Variants in PRKN observed in about 807,000 individuals in gnomAD.
PRKN encodes the protein E3 ubiquitin-protein ligase parkin.
In PRKN, 56 loss-of-function variants were observed where a neutral mutation model predicts 59.5. The ratio of observed to expected loss-of-function variants is 0.94; its 90% confidence interval spans 0.76 to 1.18. The LOEUF is 1.18. PRKN is among the 50% of genes most tolerant of loss of function. The pLI, the probability that PRKN is intolerant of heterozygous loss-of-function variation, is 0.00. For synonymous variants in PRKN, 250 were observed against 222.1 expected (o/e 1.13, Z -1.12); for missense variants, 657 against 596.4 (o/e 1.10, Z -1.06).
At chr6:161,799,455 C>T (rs1367966008) in intron 6 of PRKN, among the ~76,000 whole-genome samples, 5 of 152,216 alleles carry the variant, frequency 3.3e-5, no homozygotes, top group African/African-American at 1.2e-4. Flanking sequence ...CTCCCCCCAT[C>T]TGCCAGAGTT....
chr6:162,380,494 C>T (rs1431593988), intron 2 of PRKN, among the ~76,000 whole-genome samples: 3 of 26,002 alleles, frequency 1.2e-4, no homozygotes, highest in African/African-American at 6.2e-4. Flanking sequence ...TATATATACA[C>T]ACATATATAT....
chr6:162,335,752 C>G (rs1783815871), intron 2 of PRKN, among the ~76,000 whole-genome samples: 1 of 152,058 alleles, frequency 6.6e-6, no homozygotes. Context: ...TCTCCTCACC[C>G]TTCTACACAG....
At chr6:162,204,520 T>C (rs1379706055) in intron 3 of PRKN, among the ~76,000 whole-genome samples, 1 of 152,194 alleles carries the variant, frequency 6.6e-6, no homozygotes, top group Non-Finnish European at 1.5e-5. Context: ...GCTTGATTTA[T>C]AGAAAGTGAA....
intron 7 of PRKN, among the ~76,000 whole-genome samples, chr6:161,695,633 G>A (rs76290633): frequency 0.055 from 8,359 of 152,274 alleles, 394 homozygotes; most frequent in African/African-American, 0.12. Context: ...AAAGACAACT[G>A]AGAAGGCAAG....
intron 9 of PRKN, among the ~76,000 whole-genome samples, chr6:161,465,139 C>G (rs1790401496): frequency 6.6e-6 from 1 of 152,234 alleles, no homozygotes; most frequent in Non-Finnish European, 1.5e-5. Context: ...AGTCTTCTTT[C>G]ATACCGTCGA....
intron 6 of PRKN, among the ~76,000 whole-genome samples, chr6:161,969,854 G>A (rs888356826): frequency 6.6e-6 from 1 of 150,818 alleles, no homozygotes; most frequent in African/African-American, 2.4e-5. Flanking sequence ...TTTCCTTTTT[G>A]CCCAATAAAT....
chr6:161,736,448 G>A (rs886268684), intron 7 of PRKN, among the ~76,000 whole-genome samples: 1 of 152,186 alleles, frequency 6.6e-6, no homozygotes, highest in Non-Finnish European at 1.5e-5. Context: ...GTGGCTAATC[G>A]GTTGTGGAAG....
intron 7 of PRKN, among the ~76,000 whole-genome samples, chr6:161,752,039 T>C (rs969196113): frequency 2.6e-5 from 4 of 152,214 alleles, no homozygotes; most frequent in African/African-American, 9.6e-5. Flanking sequence ...CGGAACATTA[T>C]GGAGAATATT....
In PRKN at chr6:161,360,117, G is replaced by C. The variant is rs1255292721; in HGVS notation, c.1256C>G (p.Pro419Arg). 1 of 1,614,042 alleles carries C rather than the reference G, an allele frequency of 6.2e-7. No individual in the cohort carries two copies. The highest frequency in any genetic ancestry group is 2.2e-5 in the East Asian group (1 of 44,880). The change falls in exon 11 of 12, where the codon CCC becomes CGC. Residue 419 changes from proline (P) to arginine (R), a missense_variant. Physicochemically the swap from Pro to Arg is moderately radical, Grantham distance 103. Transcript: ENST00000366898. This position sits in a 1 kb window ranked among gnomAD's most constrained non-coding sequence, Gnocchi z 5.1. ...TTTTTCCACTGGTACATGGCAGCGG[G>C]GACAGGGCTTGGTGGTTTTCTTGAT... Reference protein sequence around the residue: ...ETIKKTTKPCPRCHVPVEKNG... With the variant: ...ETIKKTTKPCRRCHVPVEKNG...
chr6:162,694,314 A>T (rs1418014002), intron 1 of PRKN, among the ~76,000 whole-genome samples: 1 of 150,514 alleles, frequency 6.6e-6, no homozygotes, highest in African/African-American at 2.5e-5. Context: ...CAGTAGCTTA[A>T]CCTCTATTGC....
In PRKN at chr6:161,459,970, C is replaced by T. The variant is rs941589879; in HGVS notation, c.1084-73093G>A. ...TAAAAAAAAAAATCTATTTATCCAT[C>T]AAATCACATATGCTTCTTTCCTTTA... On this transcript the variant is annotated intron_variant, in intron 9 of 11. Coordinates refer to ENST00000366898, the MANE Select transcript of PRKN (RefSeq NM_004562.3). The surrounding 1 kb of genome is among the most constrained non-coding windows in gnomAD (Gnocchi z 4.8). 3.3e-5 allele frequency among the ~76,000 whole-genome samples: 5 copies of T among 152,150 alleles called. No individual in the cohort carries two copies. The highest frequency in any genetic ancestry group is 2.1e-4 in the South Asian group (1 of 4,828).
At chr6:161,682,748 G>A (rs1363161086) in intron 7 of PRKN, among the ~76,000 whole-genome samples, 1 of 152,176 alleles carries the variant, frequency 6.6e-6, no homozygotes, top group South Asian at 2.1e-4. Context: ...TCTGCAAGAC[G>A]CGAGGCCTGG....
intron 2 of PRKN, among the ~76,000 whole-genome samples, chr6:162,294,620 G>A (rs576703261): frequency 2.6e-5 from 4 of 152,186 alleles, no homozygotes; most frequent in African/African-American, 9.6e-5. Context: ...TGGGCAACTG[G>A]AAAAGGAAAT....
intron 5 of PRKN, among the ~76,000 whole-genome samples, chr6:162,018,272 T>C (rs1369074471): frequency 6.6e-6 from 1 of 152,122 alleles, no homozygotes; most frequent in Non-Finnish European, 1.5e-5. Context: ...GTGATCCACC[T>C]GCCTCGGCCT....
At chr6:162,218,396 A>G (rs1777792779) in intron 3 of PRKN, among the ~76,000 whole-genome samples, 1 of 152,130 alleles carries the variant, frequency 6.6e-6, no homozygotes, top group Non-Finnish European at 1.5e-5. Flanking sequence ...ACTGTGTAGT[A>G]CATGCTGCAG....
rs1338500709 is a variant in PRKN, at chr6:161,376,237, G to A, written c.1167+10557C>T. On this transcript the variant is annotated intron_variant, in intron 10 of 11. Transcript: ENST00000366898. The surrounding 1 kb of genome is among the most constrained non-coding windows in gnomAD (Gnocchi z 7.3). ...GTGTGGGGAGCATGGATAAGGGGCA[G>A]TTCGTTGGAGATTGTCAGTCTTGCA... 6.6e-6 allele frequency among the ~76,000 whole-genome samples: 1 copy of A among 152,168 alleles called. No homozygotes were observed. The highest frequency in any genetic ancestry group is 6.5e-5 in the Admixed American group (1 of 15,280).
chr6:162,354,166 A>C (rs936670605), intron 2 of PRKN, among the ~76,000 whole-genome samples: 1 of 152,136 alleles, frequency 6.6e-6, no homozygotes, highest in Non-Finnish European at 1.5e-5. Context: ...TTCTCAACCG[A>C]AGAGGAAGGT....
intron 4 of PRKN, among the ~76,000 whole-genome samples, chr6:162,086,396 T>C (rs905598902): frequency 4.6e-5 from 7 of 152,030 alleles, no homozygotes; most frequent in Non-Finnish European, 1.0e-4. Flanking sequence ...GAAAACTCCA[T>C]GGCACACAAG....
chr6:162,661,169 G>C (rs1358302351), intron 1 of PRKN, among the ~76,000 whole-genome samples: 6 of 152,068 alleles, frequency 3.9e-5, no homozygotes, highest in Non-Finnish European at 5.9e-5. Flanking sequence ...GCTGAGGCAG[G>C]AGAATGGCTT....
Sources: gnomAD v4.1 joint callset for allele counts (sites outside exome capture counted in the v4.1 genomes callset) on GRCh38, gnomAD v4.1.1 for gene constraint, Gnocchi (gnomAD v3.1) non-coding constraint, MANE v1.5 for transcripts, NCBI Gene and HGNC (gene_info 2026-07-23, HGNC 2026-07-21) for gene names.